SHBG: variants seen among roughly 807,000 people sequenced by gnomAD.
SHBG encodes the protein sex hormone binding globulin.
Under a neutral mutation model 41.9 loss-of-function variants are expected in SHBG, and 37 were observed. The observed-to-expected ratio is 0.88, with a 90% CI of 0.68 to 1.16. SHBG has a LOEUF of 1.16. SHBG is among the 50% of genes most tolerant of loss of function. The probability of loss-of-function intolerance (pLI) is 0.00; values close to 1 mark genes in which losing one functional copy is unlikely to be tolerated. For synonymous variants in SHBG, 217 were observed against 205.8 expected (o/e 1.05, Z -0.47); for missense variants, 466 against 499.9 (o/e 0.93, Z 0.65).
intron 1 of SHBG, among the ~76,000 whole-genome samples, chr17:7,617,919 A>C (rs1254509593): frequency 1.3e-5 from 2 of 151,978 alleles, no homozygotes; most frequent in East Asian, 3.9e-4. Flanking sequence ...CCCTTTCTCT[A>C]CCAAAACTAC....
chr17:7,631,812 A>T, intron 5 of SHBG, 64 bp downstream of exon 5: 1 of 1,612,468 alleles, frequency 6.2e-7, no homozygotes, highest in Non-Finnish European at 8.5e-7. Context: ...GTCCCCCTCT[A>T]CCACTGGCCC....
chr17:7,627,233 A>C (rs757584878), upstream of SHBG: 17 of 1,614,020 alleles, frequency 1.1e-5, no homozygotes, highest in South Asian at 1.9e-4. This position sits in a 1 kb window ranked among gnomAD's most constrained non-coding sequence, Gnocchi z 4.8. Flanking sequence ...AGGGCTGCCG[A>C]GATTGGAGTT....
upstream of SHBG, among the ~76,000 whole-genome samples, chr17:7,623,114 C>T (rs377623465): frequency 2.0e-5 from 3 of 148,570 alleles, no homozygotes; most frequent in East Asian, 2.1e-4. Context: ...AAGTATTGGC[C>T]GGGCACAGTG....
intron 1 of SHBG, among the ~76,000 whole-genome samples, chr17:7,621,703 TG>T (rs1171170335): frequency 1.3e-5 from 2 of 150,466 alleles, no homozygotes; most frequent in African/African-American, 4.9e-5. Context: ...TGTATATCTG[TG>T]AAAAAAAAAA....
intron 1 of SHBG, among the ~76,000 whole-genome samples, chr17:7,618,128 A>C (rs1280946738): frequency 6.6e-6 from 1 of 151,814 alleles, no homozygotes; most frequent in East Asian, 2.0e-4. Flanking sequence ...CTGAGGGAGG[A>C]GAATCTCTTG....
chr17:7,615,913 T>C (rs1327253064), intron 1 of SHBG, among the ~76,000 whole-genome samples: 1 of 151,764 alleles, frequency 6.6e-6, no homozygotes, highest in Non-Finnish European at 1.5e-5. Context: ...CTCACTCCTG[T>C]AATCCCAGCA....
At chr17:7,618,571 T>G (rs2072034635) in intron 1 of SHBG, among the ~76,000 whole-genome samples, 2 of 152,242 alleles carry the variant, frequency 1.3e-5, no homozygotes, top group South Asian at 4.1e-4. Flanking sequence ...CTGCCCAAAG[T>G]GTTGGGATTA....
chr17:7,621,367 C>T (rs1160835646), intron 1 of SHBG, among the ~76,000 whole-genome samples: 5 of 140,392 alleles, frequency 3.6e-5, no homozygotes, highest in Admixed American at 2.9e-4. Flanking sequence ...GAGGCTGAGG[C>T]GGGCAGATCA....
chr17:7,614,073 T>G (rs1218509690), exon 1 of SHBG: 1 of 483,828 alleles, frequency 2.1e-6, no homozygotes. Flanking sequence ...CAATTCTCCA[T>G]GTGCTTGGAT....
At position 7,631,792 on chromosome 17, in the gene SHBG, G is replaced by A. The variant is rs768255094; in HGVS notation, c.715+44G>A. The A allele has an allele frequency of 2.5e-6, 4 of 1,613,266 alleles. No homozygotes were observed. The South Asian group carries it at 3.3e-5, about 13-fold the overall frequency. ...TATTTTTCCCACCCTGGCCAGCTCAGCCTGCCTCTGTCCCCCTCTACCACT... is the reference window on the plus strand; with the variant it reads ...TATTTTTCCCACCCTGGCCAGCTCAACCTGCCTCTGTCCCCCTCTACCACT... On this transcript the variant is annotated intron_variant, in intron 5 of 7. Transcript: ENST00000380450.
At position 7,631,372 on chromosome 17, in the gene SHBG, C is replaced by G. The variant is rs1347323505; in HGVS notation, c.555+11C>G. On this transcript the variant is annotated intron_variant, in intron 4 of 7. Transcript: ENST00000380450. ...AACCTTCGGTTGCCGGTAACTACAC[C>G]CCAGGGGTGGAACCCTAGCCAAGAC... 2.5e-6 allele frequency: 4 copies of G among 1,611,458 alleles called. No individual in the cohort carries two copies. The highest frequency in any genetic ancestry group is 3.4e-6 in the Non-Finnish European group (4 of 1,179,058).
In SHBG at chr17:7,631,977, G is replaced by C. The variant is rs183272852; in HGVS notation, c.814G>C (p.Glu272Gln). The C allele has an allele frequency of 1.2e-6, 2 of 1,614,032 alleles. No individual in the cohort carries two copies. The highest frequency in any genetic ancestry group is 1.7e-5 in the Admixed American group (1 of 60,016). ...CCACCTCCTTGCTCTTGGGACACCA[G>C]AGAACCCATCTTGGCTCAGTCTCCA... is the stretch of plus-strand genomic sequence containing the variant. ...SGHLLALGTP[E>Q]NPSWLSLHLQ... Residue 272 changes from glutamate to glutamine, a missense_variant, in exon 6 of 8, where the codon GAG becomes CAG. Glu to Gln is a conservative substitution (Grantham distance 29). Transcript: ENST00000380450.
upstream of SHBG, among the ~76,000 whole-genome samples, chr17:7,625,393 CG>C (rs1555573905): frequency 6.7e-6 from 1 of 150,246 alleles, no homozygotes; most frequent in Non-Finnish European, 1.5e-5. Context: ...CTGGCTAACA[CG>C]GTGAAACCCC....
At chr17:7,616,080 G>T (rs2071980349) in intron 1 of SHBG, among the ~76,000 whole-genome samples, 2 of 150,618 alleles carry the variant, frequency 1.3e-5, no homozygotes, top group Admixed American at 1.3e-4. Flanking sequence ...GATCACGGGC[G>T]GGCGGATCAC....
In SHBG at chr17:7,633,230, C is replaced by A. The variant is rs1446274349; in HGVS notation, c.1087C>A (p.Leu363Met). The change falls in exon 8 of 8, where the codon CTG becomes ATG. Residue 363 changes from leucine to methionine, a missense_variant. Transcript: ENST00000380450. ...PGEDSSTSFC[L>M]NGLWAQGQRL... ...AGAAGACTCTTCCACCTCTTTTTGC[C>A]TGAATGGCCTTTGGGCACAAGGTCA... The A allele has an allele frequency of 1.2e-6, 2 of 1,613,972 alleles. No homozygotes were observed. The highest frequency in any genetic ancestry group is 1.7e-6 in the Non-Finnish European group (2 of 1,180,028).
rs1221039828 is a variant in SHBG at position 7,630,917 on chromosome 17, A to G, written c.393+48A>G. ...GGGAGGGATGTCTGGAGCTGGTCTGAGGAAAGGGAACAAAACCAAGTTATT... is the reference window on the plus strand; with the variant it reads ...GGGAGGGATGTCTGGAGCTGGTCTGGGGAAAGGGAACAAAACCAAGTTATT... On this transcript the variant is annotated intron_variant, in intron 3 of 7. Transcript: ENST00000380450. This position sits in a 1 kb window ranked among gnomAD's most constrained non-coding sequence, Gnocchi z 4.6. The G allele has an allele frequency of 6.4e-7, 1 of 1,571,004 alleles. No homozygotes were observed. Among genetic ancestry groups the G allele is most frequent in the Admixed American group, 1.7e-5 (1 of 59,780 alleles).
intron 4 of SHBG, 62 bp from the exon 5 acceptor site, chr17:7,631,527 G>T: frequency 2.5e-6 from 4 of 1,597,926 alleles, no homozygotes; most frequent in South Asian, 1.1e-5. Context: ...CAGGGAGGTC[G>T]GGACTGCGGC....
chr17:7,632,967 A>C lies in SHBG; in HGVS notation c.1060+8A>C, dbSNP rs775922128. The C allele has an allele frequency of 9.3e-6, 15 of 1,611,062 alleles. No individual in the cohort carries two copies. The Admixed American group carries it at 1.3e-4, about 14-fold the overall frequency. On this transcript the variant is annotated splice_region_variant and intron_variant, in intron 7 of 7. Coordinates refer to ENST00000380450, the MANE Select transcript of SHBG (RefSeq NM_001040.5). Reference sequence around the variant, plus strand: ...TCCTGGGGGCTTTACCAGGTAAGAGAGAATGATGTTCAAGTTCATGAGCAC... The same window carrying C: ...TCCTGGGGGCTTTACCAGGTAAGAGCGAATGATGTTCAAGTTCATGAGCAC...
chr17:7,619,876 C>T (rs2072059556), intron 1 of SHBG, among the ~76,000 whole-genome samples: 1 of 151,934 alleles, frequency 6.6e-6, no homozygotes, highest in African/African-American at 2.4e-5. Flanking sequence ...TAGCTAATGC[C>T]TAAACAAAAA....
Sources: gnomAD v4.1 joint callset for allele counts (sites outside exome capture counted in the v4.1 genomes callset) on GRCh38, gnomAD v4.1.1 for gene constraint, Gnocchi (gnomAD v3.1) non-coding constraint, MANE v1.5 for transcripts, NCBI Gene and HGNC (gene_info 2026-07-23, HGNC 2026-07-21) for gene names.